CSMD1: variants seen among roughly 807,000 people sequenced by gnomAD.
CSMD1 encodes CUB and sushi domain-containing protein 1.
In CSMD1, 213 loss-of-function variants were observed where a neutral mutation model predicts 417.5. The observed-to-expected ratio is 0.51, with a 90% CI of 0.46 to 0.57. The LOEUF is 0.57. Ranked by LOEUF, CSMD1 falls within the 20% of genes least tolerant of loss-of-function variation. The pLI, the probability that CSMD1 is intolerant of heterozygous loss-of-function variation, is 0.00. For missense variants in CSMD1, 6,923 were observed against 4,529.7 expected, an observed-to-expected ratio of 1.53 and a Z score of -15.17; for synonymous variants, 2,862 against 1,736.8, an observed-to-expected ratio of 1.65 and a Z score of -16.11.
chr8:3,836,549 G>C (rs537426702), intron 5 of CSMD1, among the ~76,000 whole-genome samples: 1 of 152,260 alleles, frequency 6.6e-6, no homozygotes, highest in South Asian at 2.1e-4. Context: ...GATGGAGTGA[G>C]TCAGAAAAGT....
chr8:4,376,897 T>G (rs990627694), intron 3 of CSMD1, among the ~76,000 whole-genome samples: 4 of 152,188 alleles, frequency 2.6e-5, no homozygotes, highest in African/African-American at 9.7e-5. Flanking sequence ...GATTTTGTAT[T>G]TTGGACACAC....
chr8:4,505,545 A>G (rs1171426115), intron 2 of CSMD1, among the ~76,000 whole-genome samples: 3 of 152,176 alleles, frequency 2.0e-5, no homozygotes, highest in African/African-American at 7.2e-5. Context: ...TGATATTCAT[A>G]TACTATCAAA....
chr8:3,185,753 A>G (rs1297628476), intron 36 of CSMD1, among the ~76,000 whole-genome samples: 2 of 152,230 alleles, frequency 1.3e-5, no homozygotes, highest in Admixed American at 6.5e-5. Context: ...GGTTTTACCA[A>G]CTGAATTCAT....
intron 3 of CSMD1, among the ~76,000 whole-genome samples, chr8:4,182,700 T>G (rs553331607): frequency 5.3e-5 from 8 of 152,274 alleles, no homozygotes; most frequent in Non-Finnish European, 7.4e-5. Flanking sequence ...ATTTGAAGCT[T>G]TAAGTTAGAA....
At chr8:3,167,228 T>C (rs1330265483) in intron 37 of CSMD1, among the ~76,000 whole-genome samples, 2 of 144,054 alleles carry the variant, frequency 1.4e-5, no homozygotes, top group African/African-American at 5.2e-5. Context: ...GAGGTTGCAG[T>C]GAGCCGAGAT....
chr8:4,401,569 T>A (rs973156851), intron 3 of CSMD1, among the ~76,000 whole-genome samples: 1 of 152,128 alleles, frequency 6.6e-6, no homozygotes, highest in African/African-American at 2.4e-5. Context: ...TTTGAGCCTG[T>A]CTAGACCAAT....
intron 5 of CSMD1, among the ~76,000 whole-genome samples, chr8:3,920,439 A>G (rs1299370490): frequency 6.6e-6 from 1 of 151,894 alleles, no homozygotes; most frequent in Non-Finnish European, 1.5e-5. Context: ...ATAAAATTTT[A>G]CTTCTTACTT....
intron 1 of CSMD1, among the ~76,000 whole-genome samples, chr8:4,848,834 G>A (rs1158450589): frequency 1.3e-5 from 2 of 152,184 alleles, no homozygotes; most frequent in Admixed American, 6.5e-5. Context: ...GTGAGCCAAC[G>A]CGCCCAACCC....
chr8:3,789,627 C>T (rs186686669), intron 5 of CSMD1, among the ~76,000 whole-genome samples: 2 of 151,030 alleles, frequency 1.3e-5, no homozygotes, highest in Non-Finnish European at 1.5e-5. Flanking sequence ...GTCTTTAAGT[C>T]CTCTAAAAAA....
At chr8:4,341,471 G>A (rs1243321798) in intron 3 of CSMD1, among the ~76,000 whole-genome samples, 2 of 152,096 alleles carry the variant, frequency 1.3e-5, no homozygotes, top group East Asian at 1.9e-4. Context: ...AGTATTCTCT[G>A]TGATCAAAGG....
Position 4,031,913 on chromosome 8 carries a change from A to G in CSMD1, c.602T>C (p.Phe201Ser), listed in dbSNP as rs755149307. 1.2e-6 allele frequency: 2 copies of G among 1,613,110 alleles called. No homozygotes were observed. Among genetic ancestry groups the G allele is most frequent in the Admixed American group, 1.7e-5 (1 of 59,986 alleles). Reference protein sequence around the residue: ...NGASWDFPAPFCRAEGACGGT... With the variant: ...NGASWDFPAPSCRAEGACGGT... ...CCCTTGTAGCACTGTACCTCTGCAA[A>G]AGGGAGCTGGGAAGTCCCACGATGC... The change falls in exon 4 of 70, where the codon TTT becomes TCT. Residue 201 changes from phenylalanine (F) to serine (S), a missense_variant. Transcript: ENST00000635120.
intron 2 of CSMD1, among the ~76,000 whole-genome samples, chr8:4,535,707 G>A (rs1797069620): frequency 1.3e-5 from 2 of 152,072 alleles, no homozygotes; most frequent in South Asian, 4.1e-4. Context: ...TTTACAATAA[G>A]GTATTTGGAG....
At chr8:3,882,947 T>C (rs549926005) in intron 5 of CSMD1, among the ~76,000 whole-genome samples, 5 of 152,278 alleles carry the variant, frequency 3.3e-5, no homozygotes, top group African/African-American at 1.2e-4. Context: ...TACTGAAGTT[T>C]CACAAACTCT....
intron 37 of CSMD1, among the ~76,000 whole-genome samples, chr8:3,180,469 A>T (rs577794736): frequency 6.6e-6 from 1 of 152,310 alleles, no homozygotes; most frequent in African/African-American, 2.4e-5. Flanking sequence ...GAATGCTAAT[A>T]TGAGTATTTT....
chr8:4,219,953 T>C (rs952413154), intron 3 of CSMD1, among the ~76,000 whole-genome samples: 1 of 152,178 alleles, frequency 6.6e-6, no homozygotes, highest in Non-Finnish European at 1.5e-5. Context: ...AAAAATTTTT[T>C]AATGCTTTTT....
chr8:4,746,859 C>T (rs991067460), intron 1 of CSMD1, among the ~76,000 whole-genome samples: 3 of 152,184 alleles, frequency 2.0e-5, no homozygotes, highest in African/African-American at 4.8e-5. Flanking sequence ...ACATACTCTG[C>T]AAACAACATT....
At chr8:4,700,842 T>C (rs1396697061) in intron 1 of CSMD1, among the ~76,000 whole-genome samples, 2 of 151,948 alleles carry the variant, frequency 1.3e-5, no homozygotes, top group East Asian at 1.9e-4. Flanking sequence ...ACAGCAAGAA[T>C]AGGAAGAAAG....
intron 4 of CSMD1, among the ~76,000 whole-genome samples, chr8:4,020,925 G>C (rs181998370): frequency 3.3e-5 from 5 of 152,310 alleles, no homozygotes; most frequent in Admixed American, 3.3e-4. Flanking sequence ...GAAACTTAAA[G>C]GGAAGAATTT....
intron 10 of CSMD1, among the ~76,000 whole-genome samples, chr8:3,510,470 A>G (rs954772897): frequency 6.6e-6 from 1 of 151,840 alleles, no homozygotes; most frequent in Non-Finnish European, 1.5e-5. Flanking sequence ...CACCCTCAAT[A>G]TCATCTTACA....
Sources: gnomAD v4.1 joint callset for allele counts (sites outside exome capture counted in the v4.1 genomes callset) on GRCh38, gnomAD v4.1.1 for gene constraint, MANE v1.5 for transcripts, NCBI Gene and HGNC (gene_info 2026-07-23, HGNC 2026-07-21) for gene names.